KCTD16: variants seen among roughly 807,000 people sequenced by gnomAD.
KCTD16 encodes the protein potassium channel tetramerization domain containing 16.
Under a neutral mutation model 33.2 loss-of-function variants are expected in KCTD16, and 13 were observed. The ratio of observed to expected loss-of-function variants is 0.39; its 90% CI spans 0.25 to 0.62. The LOEUF (loss-of-function observed/expected upper bound fraction) is 0.62, where lower values mean the gene tolerates loss of function less well. KCTD16 is among the 20% of genes least tolerant of loss of function. The pLI, the probability that KCTD16 is intolerant of heterozygous loss-of-function variation, is 0.50. For missense variants in KCTD16, 441 were observed against 525.1 expected (o/e 0.84, Z 1.57); for synonymous variants, 197 against 195.3 (o/e 1.01, Z -0.07).
At chr5:144,355,798 T>C (rs1751557035) in intron 3 of KCTD16, among the ~76,000 whole-genome samples, 1 of 152,148 alleles carries the variant, frequency 6.6e-6, no homozygotes, top group Non-Finnish European at 1.5e-5. Flanking sequence ...CCAGGCTGAT[T>C]TCTGGCTCGC....
In KCTD16 at chr5:144,335,051, A is replaced by T. The variant is rs372983183; in HGVS notation, c.832+127505A>T. On this transcript the variant is annotated intron_variant, in intron 3 of 3. Coordinates refer to ENST00000512467, the MANE Select transcript of KCTD16 (RefSeq NM_020768.4). ...TGCCTTGACCTTCCAAAGTTCTGGG[A>T]TTACAGAAATGAGCCACTAGGCCCC... Among the ~76,000 whole-genome samples the T allele has an allele frequency of 1.2e-3, 190 of 152,132 alleles. 1 individual carries two copies. Among genetic ancestry groups the T allele is most frequent in the South Asian group, 0.01 (50 of 4,804 alleles).
At chr5:144,451,851 A>G (rs1580975626) in intron 3 of KCTD16, among the ~76,000 whole-genome samples, 1 of 152,126 alleles carries the variant, frequency 6.6e-6, no homozygotes, top group Admixed American at 6.6e-5. Context: ...ATTCTGAGAA[A>G]CTTCTCTTGA....
chr5:144,468,897 G>A (rs1754408444), intron 3 of KCTD16, among the ~76,000 whole-genome samples: 1 of 152,182 alleles, frequency 6.6e-6, no homozygotes, highest in African/African-American at 2.4e-5. Flanking sequence ...GTTTCACTCA[G>A]CTCGGTTTGA....
chr5:144,363,206 G>A (rs1032222562), intron 3 of KCTD16, among the ~76,000 whole-genome samples: 1 of 152,088 alleles, frequency 6.6e-6, no homozygotes, highest in African/African-American at 2.4e-5. Context: ...GCCAGACATG[G>A]TGGCAGGCAC....
chr5:144,253,824 A>G (rs1895295), intron 3 of KCTD16, among the ~76,000 whole-genome samples: 1 of 152,130 alleles, frequency 6.6e-6, no homozygotes, highest in Non-Finnish European at 1.5e-5. Context: ...AAAAATACAT[A>G]TACCTAGACC....
At position 144,205,661 on chromosome 5, in the gene KCTD16, C is replaced by T. The variant is rs917088216; in HGVS notation, c.-326-728C>T. The T allele has an allele frequency of 2.3e-5, 9 of 398,440 alleles. No individual in the cohort carries two copies. The Admixed American group carries it at 4.0e-4, about 18-fold the overall frequency. 24.7% of individuals were successfully genotyped at this position (398,440 alleles called of 1,614,324 possible). On this transcript the variant is annotated intron_variant, in intron 2 of 3. Transcript: ENST00000512467. Reference sequence around the variant, plus strand: ...CCTCTTGCAACTCTCTTCTAAGGATCCTTTCCAAAGATTTCTTTTTCCATT... The same window carrying T: ...CCTCTTGCAACTCTCTTCTAAGGATTCTTTCCAAAGATTTCTTTTTCCATT...
chr5:144,227,694 A>G (rs538712511), intron 3 of KCTD16, among the ~76,000 whole-genome samples: 1 of 152,342 alleles, frequency 6.6e-6, no homozygotes, highest in African/African-American at 2.4e-5. Flanking sequence ...GTGGCAATCA[A>G]TTAGACAACT....
At position 144,299,139 on chromosome 5, in the gene KCTD16, TATATA is replaced by T. The variant is rs1751335384; in HGVS notation, c.832+91594_832+91598del. On this transcript the variant is annotated intron_variant, in intron 3 of 3. Transcript: ENST00000512467. ...ATATATATATATATATATATATATA[TATATA>T]TATATTTTTTTTTTTTTTTTTAACC... Among the ~76,000 whole-genome samples, 5 of 32,006 alleles carry T rather than the reference TATATA, an allele frequency of 1.6e-4. 1 individual carries two copies. Among genetic ancestry groups the T allele is most frequent in the African/African-American group, 6.5e-4 (2 of 3,074 alleles). 21.0% of individuals were successfully genotyped at this position (32,006 alleles called of 152,430 possible). A position where few individuals can be genotyped will look rare whatever the true frequency, so the allele number is the denominator to read the frequency against.
intron 3 of KCTD16, among the ~76,000 whole-genome samples, chr5:144,463,026 A>G (rs1180395050): frequency 6.6e-6 from 1 of 152,214 alleles, no homozygotes; most frequent in East Asian, 1.9e-4. Flanking sequence ...CACAATGCAC[A>G]ATTTATCCCC....
At chr5:144,209,578 C>T (rs1485869947) in intron 3 of KCTD16, among the ~76,000 whole-genome samples, 1 of 151,818 alleles carries the variant, frequency 6.6e-6, no homozygotes, top group Admixed American at 6.6e-5. Flanking sequence ...AGCTGGCTTT[C>T]TAGGGTGCAT....
Position 144,475,922 on chromosome 5 carries a change from A to G in KCTD16, c.*1808A>G, listed in dbSNP as rs982518228. ...TTCCTTGTCCTGAAGGTTTGAATGG[A>G]GTTGAAAGTTTTACATAAGTGAAAA... On this transcript the variant is annotated 3_prime_UTR_variant, in exon 4 of 4. Transcript: ENST00000512467. 1 of 152,210 alleles carries G rather than the reference A, an allele frequency of 6.6e-6. No homozygotes were observed. The highest frequency in any genetic ancestry group is 6.5e-5 in the Admixed American group (1 of 15,280). 9.4% of individuals were successfully genotyped at this position (152,210 alleles called of 1,614,324 possible).
At chr5:144,303,986 C>CT (rs1751516701) in intron 3 of KCTD16, among the ~76,000 whole-genome samples, 1 of 152,142 alleles carries the variant, frequency 6.6e-6, no homozygotes, top group South Asian at 2.1e-4. Flanking sequence ...ATCTATGACA[C>CT]TTTTTGGCCC....
At chr5:144,335,888 C>A (rs1752478118) in intron 3 of KCTD16, among the ~76,000 whole-genome samples, 1 of 152,106 alleles carries the variant, frequency 6.6e-6, no homozygotes, top group Non-Finnish European at 1.5e-5. Flanking sequence ...GGAGTTGTAG[C>A]TTAGAAAATG....
intron 3 of KCTD16, among the ~76,000 whole-genome samples, chr5:144,334,835 G>A (rs1270566641): frequency 6.6e-6 from 1 of 151,914 alleles, no homozygotes; most frequent in African/African-American, 2.4e-5. Flanking sequence ...GGAGTGTGAT[G>A]GTGCAGTCTT....
rs1437387356 is a variant in KCTD16 at position 144,483,165 on chromosome 5, A to G, written c.*9051A>G. ...AAAAAAAAAAAAAAACCAAACCAGA[A>G]AAAACCCAAAACACTACCAAATGAA... On this transcript the variant is annotated 3_prime_UTR_variant, in exon 4 of 4. Coordinates refer to ENST00000512467, the MANE Select transcript of KCTD16 (RefSeq NM_020768.4). The G allele has an allele frequency of 1.3e-5, 2 of 151,202 alleles. No individual in the cohort carries two copies. The highest frequency in any genetic ancestry group is 1.5e-5 in the Non-Finnish European group (1 of 67,748). 9.4% of individuals were successfully genotyped at this position (151,202 alleles called of 1,614,324 possible).
intron 3 of KCTD16, among the ~76,000 whole-genome samples, chr5:144,323,240 G>C (rs1752122213): frequency 6.6e-6 from 1 of 152,104 alleles, no homozygotes; most frequent in Non-Finnish European, 1.5e-5. Context: ...TGGACCAACT[G>C]GGGCGCTAAA....
intron 3 of KCTD16, among the ~76,000 whole-genome samples, chr5:144,210,948 C>T (rs1047009613): frequency 6.6e-6 from 1 of 152,156 alleles, no homozygotes; most frequent in African/African-American, 2.4e-5. Context: ...TGAAAACATA[C>T]ACTCTGAATT....
intron 3 of KCTD16, among the ~76,000 whole-genome samples, chr5:144,329,270 A>C (rs2126889871): frequency 6.6e-6 from 1 of 152,250 alleles, no homozygotes; most frequent in Non-Finnish European, 1.5e-5. Flanking sequence ...TGCTTGGTTC[A>C]CTCAAAGAAC....
intron 3 of KCTD16, among the ~76,000 whole-genome samples, chr5:144,215,896 A>C (rs774897982): frequency 6.6e-6 from 1 of 152,254 alleles, no homozygotes; most frequent in Non-Finnish European, 1.5e-5. Context: ...CTTTATAAGA[A>C]GAAGTTTTAG....
Sources: allele counts gnomAD v4.1 joint callset (sites outside exome capture counted in the v4.1 genomes callset), GRCh38; gene constraint gnomAD v4.1.1; transcripts MANE v1.5; gene names NCBI Gene and HGNC (gene_info 2026-07-23, HGNC 2026-07-21).